SNX29: variants seen among roughly 807,000 people sequenced by gnomAD.
SNX29 encodes sorting nexin-29.
In SNX29, 78 loss-of-function variants were observed where a neutral mutation model predicts 102.1. The ratio of observed to expected loss-of-function variants is 0.76; its 90% CI spans 0.64 to 0.92. SNX29 has a LOEUF of 0.92. SNX29 is among the 40% of genes least tolerant of loss of function. SNX29 has a pLI of 0.00. For missense variants in SNX29, 1,280 were observed against 1,061.7 expected (o/e 1.21, Z -2.86); for synonymous variants, 580 against 414.5 (o/e 1.40, Z -4.85).
At chr16:12,094,222 C>T (rs2052677031) in intron 11 of SNX29, among the ~76,000 whole-genome samples, 2 of 152,076 alleles carry the variant, frequency 1.3e-5, no homozygotes, top group Admixed American at 6.5e-5. Context: ...TGTAAATTAC[C>T]ACCTGAGCTA....
intron 15 of SNX29, among the ~76,000 whole-genome samples, chr16:12,332,823 T>G (rs748489394): frequency 6.6e-6 from 1 of 152,114 alleles, no homozygotes; most frequent in African/African-American, 2.4e-5. Context: ...TCCTCTTTCA[T>G]TTCGTCTTGG....
chr16:12,176,783 G>C (rs2076270401), intron 13 of SNX29, among the ~76,000 whole-genome samples: 1 of 152,214 alleles, frequency 6.6e-6, no homozygotes, highest in Admixed American at 6.5e-5. Context: ...AAAGAGATTG[G>C]CTACATCTGA....
At chr16:12,332,613 G>A (rs577478711) in intron 15 of SNX29, among the ~76,000 whole-genome samples, 106 of 152,238 alleles carry the variant, frequency 7.0e-4, no homozygotes, top group African/African-American at 2.4e-3. Flanking sequence ...AGGTCCATGG[G>A]CAGGTGCTTT....
chr16:12,483,551 G>A (rs534838944), intron 19 of SNX29, among the ~76,000 whole-genome samples: 7 of 152,112 alleles, frequency 4.6e-5, no homozygotes, highest in East Asian at 1.9e-4. Flanking sequence ...TCCTGAGCTC[G>A]TGATCCACCC....
At chr16:12,124,850 TG>T (rs2054135855) in intron 11 of SNX29, among the ~76,000 whole-genome samples, 1 of 152,196 alleles carries the variant, frequency 6.6e-6, no homozygotes, top group African/African-American at 2.4e-5. Flanking sequence ...AATGTTGAGA[TG>T]GATGGTTGTT....
chr16:12,459,514 C>T (rs2086685906), intron 18 of SNX29, among the ~76,000 whole-genome samples: 1 of 152,170 alleles, frequency 6.6e-6, no homozygotes, highest in Admixed American at 6.5e-5. Context: ...AAGTGGATGG[C>T]AGGCAGAGAA....
chr16:12,288,678 GAAAAAAA>G (rs532173454), intron 15 of SNX29, among the ~76,000 whole-genome samples: 8 of 107,020 alleles, frequency 7.5e-5, no homozygotes, highest in South Asian at 3.7e-4. Flanking sequence ...GACATCTGGG[GAAAAAAA>G]AAAAAAAAAA....
chr16:12,439,973 G>A (rs897928711), intron 18 of SNX29, among the ~76,000 whole-genome samples: 9 of 152,196 alleles, frequency 5.9e-5, no homozygotes, highest in African/African-American at 1.9e-4. Context: ...GGGTGCAGGG[G>A]ACGTGGGGAT....
intron 8 of SNX29, among the ~76,000 whole-genome samples, chr16:12,053,595 T>C (rs1428232142): frequency 2.0e-5 from 3 of 152,050 alleles, no homozygotes; most frequent in East Asian, 1.9e-4. Context: ...CTAAATCTTA[T>C]GGTATTGTTT....
rs928310080 is a variant in SNX29 at position 12,572,976 on chromosome 16, T to C, written c.*4347T>C. 2.1e-6 allele frequency: 1 copy of C among 485,988 alleles called. No homozygotes were observed. The highest frequency in any genetic ancestry group is 2.0e-5 in the African/African-American group (1 of 49,846). The allele number at this position is 485,988 out of a possible 1,614,324, so 30.1% of individuals were successfully genotyped here. A position where few individuals can be genotyped will look rare whatever the true frequency, so the allele number is the denominator to read the frequency against. On this transcript the variant is annotated 3_prime_UTR_variant, in exon 21 of 21. Transcript: ENST00000566228. ...GCAAGGTCAAAGATTTTTCAAAATA[T>C]TGTGCATTAATTCATTAAAGCTACT...
chr16:12,089,145 A>G (rs1031989501), intron 11 of SNX29, among the ~76,000 whole-genome samples: 3 of 130,980 alleles, frequency 2.3e-5, no homozygotes, highest in Admixed American at 1.6e-4. Context: ...GAGAGAGAGA[A>G]AAGAGAAAGA....
intron 17 of SNX29, among the ~76,000 whole-genome samples, chr16:12,401,796 G>C (rs552096066): frequency 6.6e-6 from 1 of 152,262 alleles, no homozygotes; most frequent in South Asian, 2.1e-4. Flanking sequence ...AGTAAAACTT[G>C]TTTAATGAGT....
chr16:12,430,019 A>C (rs1340671511), intron 18 of SNX29, among the ~76,000 whole-genome samples: 1 of 152,248 alleles, frequency 6.6e-6, no homozygotes, highest in Non-Finnish European at 1.5e-5. Context: ...GCCGTGGGCC[A>C]GCAAGCATTA....
chr16:12,295,525 C>G (rs1193042339), intron 15 of SNX29, among the ~76,000 whole-genome samples: 2 of 152,244 alleles, frequency 1.3e-5, no homozygotes, highest in East Asian at 1.9e-4. Context: ...CATTTTACCT[C>G]TGGAACCGGT....
chr16:12,555,102 G>C (rs985486498), intron 20 of SNX29, among the ~76,000 whole-genome samples: 2 of 145,158 alleles, frequency 1.4e-5, no homozygotes, highest in Non-Finnish European at 3.1e-5. Flanking sequence ...GGGCCAATCA[G>C]GGACAATCTC....
chr16:12,191,425 T>A (rs1301133885), intron 13 of SNX29, among the ~76,000 whole-genome samples: 1 of 152,176 alleles, frequency 6.6e-6, no homozygotes, highest in Non-Finnish European at 1.5e-5. Context: ...ACTTACCTCC[T>A]CTGTAGGTAT....
At chr16:12,544,708 C>T (rs1380777820) in intron 20 of SNX29, among the ~76,000 whole-genome samples, 1 of 152,206 alleles carries the variant, frequency 6.6e-6, no homozygotes, top group Non-Finnish European at 1.5e-5. Context: ...CCTCCACCAT[C>T]CCTTTAATAG....
At chr16:12,296,190 C>T (rs577561953) in intron 15 of SNX29, among the ~76,000 whole-genome samples, 1 of 152,302 alleles carries the variant, frequency 6.6e-6, no homozygotes, top group East Asian at 1.9e-4. Flanking sequence ...ATCTCAGTTT[C>T]TCTGTAAATA....
chr16:12,148,953 C>T (rs1268277789), intron 13 of SNX29, among the ~76,000 whole-genome samples: 1 of 152,132 alleles, frequency 6.6e-6, no homozygotes, highest in East Asian at 1.9e-4. Context: ...CCACCTGCCT[C>T]AGCCTCCCAA....
Sources: allele counts gnomAD v4.1 joint callset (sites outside exome capture counted in the v4.1 genomes callset), GRCh38; gene constraint gnomAD v4.1.1; transcripts MANE v1.5; gene names NCBI Gene and HGNC (gene_info 2026-07-23, HGNC 2026-07-21).